The following UNC5C variants were observed in gnomAD, a reference collection of about 807,000 sequenced individuals.
The protein encoded by UNC5C is netrin receptor UNC5C.
In UNC5C, 47 loss-of-function variants were observed where a neutral mutation model predicts 99.8. That is an observed-to-expected ratio of 0.47 (90% CI 0.37 to 0.60). The LOEUF is 0.60. UNC5C is among the 20% of genes least tolerant of loss of function. The pLI, the probability that UNC5C is intolerant of heterozygous loss-of-function variation, is 0.00. For synonymous variants in UNC5C, 487 were observed against 452.2 expected, an observed-to-expected ratio of 1.08 and a Z score of -0.98; for missense variants, 1,062 against 1,165.9, an observed-to-expected ratio of 0.91 and a Z score of 1.30.
Position 95,168,045 on chromosome 4 carries a change from G to T in UNC5C, c.*1189C>A, listed in dbSNP as rs1735924928. The T allele has an allele frequency of 6.6e-6, 1 of 152,174 alleles. No individual in the cohort carries two copies. Among genetic ancestry groups the T allele is most frequent in the South Asian group, 2.1e-4 (1 of 4,824 alleles). 9.4% of individuals were successfully genotyped at this position (152,174 alleles called of 1,614,324 possible). On this transcript the variant is annotated 3_prime_UTR_variant, in exon 16 of 16. Coordinates refer to ENST00000453304, the MANE Select transcript of UNC5C (RefSeq NM_003728.4). ...CTGGTTTCTTGATCTCCAGTTTAGA[G>T]TCCATTCCTCCAACCACACTGCCTC...
intron 1 of UNC5C, among the ~76,000 whole-genome samples, chr4:95,354,483 T>A (rs77600224): frequency 0.35 from 33,101 of 95,058 alleles, 5,507 homozygotes; most frequent in African/African-American, 0.59. Context: ...ATATATATTT[T>A]TTTTTTTTTT....
chr4:95,432,044 A>G (rs1043923245), intron 1 of UNC5C, among the ~76,000 whole-genome samples: 1 of 152,154 alleles, frequency 6.6e-6, no homozygotes, highest in Admixed American at 6.5e-5. Context: ...AAGTGAGGTT[A>G]TGACGCTTTG....
At chr4:95,352,857 A>G (rs1185987778) in intron 1 of UNC5C, among the ~76,000 whole-genome samples, 1 of 152,158 alleles carries the variant, frequency 6.6e-6, no homozygotes, top group Admixed American at 6.6e-5. Context: ...GCCTTGCTCT[A>G]GATTTTCTTC....
At chr4:95,171,837 T>C (rs1736126791) in intron 14 of UNC5C, among the ~76,000 whole-genome samples, 1 of 152,034 alleles carries the variant, frequency 6.6e-6, no homozygotes, top group South Asian at 2.1e-4. Flanking sequence ...ATGGTTGAAC[T>C]AGTTTACAGT....
At position 95,220,185 on chromosome 4, in the gene UNC5C, G is replaced by A. The variant is rs1239170086; in HGVS notation, c.1109-9C>T. 2 of 1,608,740 alleles carry A rather than the reference G, an allele frequency of 1.2e-6. No homozygotes were observed. Among genetic ancestry groups the A allele is most frequent in the Admixed American group, 1.7e-5 (1 of 59,438 alleles). ...ATCTGAATCAGGAGCAGCTAGAGAGGAGAGTGAAACATTGAACCAGCTGCT... is the reference window on the plus strand; with the variant it reads ...ATCTGAATCAGGAGCAGCTAGAGAGAAGAGTGAAACATTGAACCAGCTGCT... On this transcript the variant is annotated splice_polypyrimidine_tract_variant and intron_variant, in intron 7 of 15. Transcript: ENST00000453304.
chr4:95,257,273 A>G (rs1228502999), intron 4 of UNC5C, among the ~76,000 whole-genome samples: 1 of 152,122 alleles, frequency 6.6e-6, no homozygotes, highest in Non-Finnish European at 1.5e-5. Context: ...AGCATGGGGC[A>G]TGTGCTTGTA....
At chr4:95,294,409 T>C (rs1741599134) in intron 3 of UNC5C, among the ~76,000 whole-genome samples, 1 of 152,186 alleles carries the variant, frequency 6.6e-6, no homozygotes, top group Non-Finnish European at 1.5e-5. Context: ...GGAACTACCT[T>C]ATTCCTCTTT....
chr4:95,215,766 G>A (rs1291578412), intron 10 of UNC5C, among the ~76,000 whole-genome samples: 1 of 152,140 alleles, frequency 6.6e-6, no homozygotes, highest in East Asian at 1.9e-4. Flanking sequence ...CTCTGTAATG[G>A]GAACAGGCTG....
At chr4:95,239,078 A>G (rs1172234183) in intron 7 of UNC5C, among the ~76,000 whole-genome samples, 1 of 152,152 alleles carries the variant, frequency 6.6e-6, no homozygotes, top group Non-Finnish European at 1.5e-5. Flanking sequence ...CTTACAGTGG[A>G]CAATTTTCTT....
intron 1 of UNC5C, among the ~76,000 whole-genome samples, chr4:95,414,763 C>T (rs1312014239): frequency 6.6e-6 from 1 of 152,136 alleles, no homozygotes; most frequent in Non-Finnish European, 1.5e-5. Flanking sequence ...GGCAGAAACC[C>T]ATAACCTACT....
intron 1 of UNC5C, among the ~76,000 whole-genome samples, chr4:95,533,913 A>C (rs140674324): frequency 6.6e-6 from 1 of 152,286 alleles, no homozygotes; most frequent in African/African-American, 2.4e-5. Context: ...CTACAAATTC[A>C]ATGTTCTAGG....
At chr4:95,222,829 C>T (rs1160568437) in intron 7 of UNC5C, among the ~76,000 whole-genome samples, 1 of 152,088 alleles carries the variant, frequency 6.6e-6, no homozygotes, top group Non-Finnish European at 1.5e-5. Flanking sequence ...TTGTTTCTTG[C>T]CCCCTTCATT....
rs140144245 is a variant in UNC5C at position 95,177,116 on chromosome 4, G to A, written c.2451+5781C>T. 6.4e-3 allele frequency among the ~76,000 whole-genome samples: 974 copies of A among 152,272 alleles called. 10 individuals carry two copies. Among genetic ancestry groups the A allele is most frequent in the African/African-American group, 0.022 (899 of 41,548 alleles). On this transcript the variant is annotated intron_variant, in intron 14 of 15. Transcript: ENST00000453304. ...CTCCTTCGGCTCACGCACGGTGCGCGCACCCACTGACCTGCGCCCACTGTC... is the reference window on the plus strand; with the variant it reads ...CTCCTTCGGCTCACGCACGGTGCGCACACCCACTGACCTGCGCCCACTGTC...
At chr4:95,433,192 A>G (rs1234720322) in intron 1 of UNC5C, among the ~76,000 whole-genome samples, 7 of 152,160 alleles carry the variant, frequency 4.6e-5, no homozygotes, top group Admixed American at 4.6e-4. Context: ...GAAATACCTC[A>G]TCAAAGATTT....
At chr4:95,239,211 C>T (rs550547994) in intron 7 of UNC5C, among the ~76,000 whole-genome samples, 14 of 152,264 alleles carry the variant, frequency 9.2e-5, no homozygotes, top group African/African-American at 3.4e-4. Flanking sequence ...CTGCTGGTGT[C>T]CTAGAAGCTT....
intron 3 of UNC5C, among the ~76,000 whole-genome samples, chr4:95,284,617 A>G (rs1442875664): frequency 6.6e-6 from 1 of 152,182 alleles, no homozygotes; most frequent in East Asian, 1.9e-4. Flanking sequence ...GAAATTTGGT[A>G]TTTAAAAAAA....
chr4:95,327,960 C>T (rs1036936547), intron 2 of UNC5C, among the ~76,000 whole-genome samples: 3 of 151,646 alleles, frequency 2.0e-5, no homozygotes, highest in African/African-American at 4.8e-5. Context: ...ACATTTAAGC[C>T]ATCCGTGGAG....
chr4:95,402,743 T>C (rs1745734796), intron 1 of UNC5C, among the ~76,000 whole-genome samples: 1 of 152,248 alleles, frequency 6.6e-6, no homozygotes, highest in African/African-American at 2.4e-5. Flanking sequence ...CTTTAGCCCA[T>C]GCCATTTCTC....
intron 1 of UNC5C, among the ~76,000 whole-genome samples, chr4:95,500,675 T>C (rs906104586): frequency 7.9e-5 from 12 of 152,184 alleles, no homozygotes; most frequent in Non-Finnish European, 1.2e-4. Flanking sequence ...TAGGAACATG[T>C]TGTAATTTAT....
Sources: allele counts gnomAD v4.1 joint callset (sites outside exome capture counted in the v4.1 genomes callset), GRCh38; gene constraint gnomAD v4.1.1; transcripts MANE v1.5; gene names NCBI Gene and HGNC (gene_info 2026-07-23, HGNC 2026-07-21).